Variants in ZNF804B observed in about 807,000 individuals in gnomAD.
The protein encoded by ZNF804B is zinc finger 804B.
A neutral mutation model predicts 101.4 loss-of-function variants in ZNF804B; 80 were observed. The observed-to-expected ratio is 0.79, with a 90% confidence interval of 0.66 to 0.95. ZNF804B has a LOEUF of 0.95. Ranked by LOEUF, ZNF804B falls within the 40% of genes least tolerant of loss-of-function variation. The pLI is 0.00. For missense variants in ZNF804B, 1,673 were observed against 1,561.9 expected, an observed-to-expected ratio of 1.07 and a Z score of -1.20; for synonymous variants, 622 against 558.8, an observed-to-expected ratio of 1.11 and a Z score of -1.59.
At chr7:88,873,840 G>T (rs554680149) in intron 1 of ZNF804B, among the ~76,000 whole-genome samples, 2 of 152,002 alleles carry the variant, frequency 1.3e-5, no homozygotes, top group Non-Finnish European at 2.9e-5. Context: ...TCTTTGTTTT[G>T]GTACCAGTAC....
Position 89,066,370 on chromosome 7 carries a change from A to G in ZNF804B, c.109-151785A>G, listed in dbSNP as rs897467007. ...ATCCTGGACCAAGGATCAAATTGCAATAAAATCATGTCCTATGGTGCCTGG... is the reference window on the plus strand; with the variant it reads ...ATCCTGGACCAAGGATCAAATTGCAGTAAAATCATGTCCTATGGTGCCTGG... On this transcript the variant is annotated intron_variant, in intron 1 of 3. Transcript: ENST00000333190. Among the ~76,000 whole-genome samples, 5 of 152,214 alleles carry G rather than the reference A, an allele frequency of 3.3e-5. No homozygotes were observed. The East Asian group carries it at 9.7e-4, about 29-fold the overall frequency.
At chr7:89,156,032 C>G (rs1292400655) in intron 1 of ZNF804B, among the ~76,000 whole-genome samples, 3 of 52,062 alleles carry the variant, frequency 5.8e-5, no homozygotes, top group Non-Finnish European at 1.4e-4. Flanking sequence ...TTCTTTCTTT[C>G]TTTCTTTCTT....
intron 2 of ZNF804B, among the ~76,000 whole-genome samples, chr7:89,266,785 T>C (rs1447476566): frequency 6.6e-6 from 1 of 152,076 alleles, no homozygotes; most frequent in Non-Finnish European, 1.5e-5. Context: ...TTATCAGGTA[T>C]ATCATAAAAA....
chr7:89,021,947 C>A (rs1328408063), intron 1 of ZNF804B, among the ~76,000 whole-genome samples: 1 of 152,180 alleles, frequency 6.6e-6, no homozygotes, highest in Non-Finnish European at 1.5e-5. Context: ...GAATTCCTGG[C>A]AGCTCTCTAA....
intron 2 of ZNF804B, among the ~76,000 whole-genome samples, chr7:89,286,362 T>A (rs1290874483): frequency 2.0e-5 from 3 of 152,086 alleles, no homozygotes; most frequent in Non-Finnish European, 4.4e-5. Flanking sequence ...AACATGAAAG[T>A]CTGAAAGAAT....
Position 89,334,254 on chromosome 7 carries a change from T to C in ZNF804B, c.1272T>C (p.Val424=). ...AAACAGAAAGAGTTAGCAAAAATGT[T>C]CAAAGACTTGTAAAAGAAGCATGTA... The part of the protein sequence containing the change: ...LDKTERVSKN[V]QRLVKEACTH... The change falls in exon 4 of 4, where the codon GTT becomes GTC. Residue 424 remains valine (V), a synonymous_variant. Coordinates refer to ENST00000333190, the MANE Select transcript of ZNF804B (RefSeq NM_181646.5). The C allele has an allele frequency of 6.2e-7, 1 of 1,613,674 alleles. No homozygotes were observed. Among genetic ancestry groups the C allele is most frequent in the South Asian group, 1.1e-5 (1 of 91,080 alleles).
At chr7:89,091,503 ATAAC>A (rs1374208220) in intron 1 of ZNF804B, among the ~76,000 whole-genome samples, 1 of 152,194 alleles carries the variant, frequency 6.6e-6, no homozygotes, top group African/African-American at 2.4e-5. Flanking sequence ...TCGAAAGTAG[ATAAC>A]TAGCCTCAGG....
chr7:88,833,520 C>T (rs563678088), intron 1 of ZNF804B, among the ~76,000 whole-genome samples: 7 of 149,016 alleles, frequency 4.7e-5, no homozygotes, highest in East Asian at 2.2e-4. Context: ...ACTTGGCCCT[C>T]AATAAATTTT....
rs114506357 is a variant in ZNF804B, at chr7:88,770,562, G to A, written c.108+10478G>A. Among the ~76,000 whole-genome samples the A allele has an allele frequency of 1.9e-3, 291 of 152,332 alleles. 1 individual carries two copies. Among genetic ancestry groups the A allele is most frequent in the African/African-American group, 6.7e-3 (280 of 41,574 alleles). On this transcript the variant is annotated intron_variant, in intron 1 of 3. Coordinates refer to ENST00000333190, the MANE Select transcript of ZNF804B (RefSeq NM_181646.5). The stretch of plus-strand genomic sequence containing the variant: ...AATAAATTGATGTTGCATTAAGCCA[G>A]TAAGACTGTTAATTCAACCTCACTC...
At chr7:88,915,457 C>A (rs925623389) in intron 1 of ZNF804B, among the ~76,000 whole-genome samples, 1 of 151,752 alleles carries the variant, frequency 6.6e-6, no homozygotes, top group African/African-American at 2.4e-5. Context: ...ACATTATGGA[C>A]AAATTAAATA....
chr7:88,848,831 T>A (rs115729388), intron 1 of ZNF804B, among the ~76,000 whole-genome samples: 2,258 of 152,104 alleles, frequency 0.015, 58 homozygotes, highest in African/African-American at 0.051. Context: ...AAGTTTAACA[T>A]TGCTTGACAA....
At chr7:88,818,217 G>A (rs915961406) in intron 1 of ZNF804B, among the ~76,000 whole-genome samples, 1 of 152,000 alleles carries the variant, frequency 6.6e-6, no homozygotes, top group African/African-American at 2.4e-5. Context: ...TCAACTTCAT[G>A]AGCTATTAAA....
intron 1 of ZNF804B, among the ~76,000 whole-genome samples, chr7:89,195,140 C>A (rs1440863235): frequency 6.8e-6 from 1 of 147,596 alleles, no homozygotes; most frequent in African/African-American, 2.5e-5. Context: ...AATTCAACAA[C>A]CTTCATGCTA....
At chr7:88,833,498 A>G (rs533505690) in intron 1 of ZNF804B, among the ~76,000 whole-genome samples, 2 of 151,792 alleles carry the variant, frequency 1.3e-5, no homozygotes, top group South Asian at 4.1e-4. Flanking sequence ...TGAAGAAGGT[A>G]GAAAGTCAGG....
chr7:88,762,486 G>C (rs10257119), intron 1 of ZNF804B, among the ~76,000 whole-genome samples: 1 of 152,132 alleles, frequency 6.6e-6, no homozygotes, highest in Admixed American at 6.5e-5. Flanking sequence ...TCCTAATCTA[G>C]ATAAATGTGT....
At chr7:89,057,538 C>G (rs1378535988) in intron 1 of ZNF804B, among the ~76,000 whole-genome samples, 1 of 152,016 alleles carries the variant, frequency 6.6e-6, no homozygotes, top group Admixed American at 6.6e-5. Flanking sequence ...TTAATTAAAA[C>G]TATACCATTC....
chr7:89,093,689 T>C (rs1192501589), intron 1 of ZNF804B, among the ~76,000 whole-genome samples: 1 of 152,256 alleles, frequency 6.6e-6, no homozygotes, highest in Non-Finnish European at 1.5e-5. Flanking sequence ...AAACGTTCAA[T>C]CTGCAGACTT....
At chr7:89,237,821 T>A (rs753539316) in intron 2 of ZNF804B, among the ~76,000 whole-genome samples, 1 of 152,188 alleles carries the variant, frequency 6.6e-6, no homozygotes, top group Non-Finnish European at 1.5e-5. Flanking sequence ...CAAAGATCTG[T>A]CATATACAAT....
At position 89,335,049 on chromosome 7, in the gene ZNF804B, C is replaced by T. The variant is rs139186520; in HGVS notation, c.2067C>T (p.Ser689=). ...ACATCAGCATGACCAGCAAGGTTTC[C>T]GGATGTGGAAACCAAAGATACAAGA... ...SNHISMTSKV[S]GCGNQRYKRY... is the part of the protein sequence containing the mutation. The change falls in exon 4 of 4, where the codon TCC becomes TCT. Residue 689 remains serine, a synonymous_variant. Coordinates refer to ENST00000333190, the MANE Select transcript of ZNF804B (RefSeq NM_181646.5). The T allele has an allele frequency of 1.0e-4, 168 of 1,613,618 alleles. No homozygotes were observed. Among genetic ancestry groups the T allele is most frequent in the Admixed American group, 5.8e-4 (35 of 59,880 alleles).
Sources: allele counts gnomAD v4.1 joint callset (sites outside exome capture counted in the v4.1 genomes callset), GRCh38; gene constraint gnomAD v4.1.1; transcripts MANE v1.5; gene names NCBI Gene and HGNC (gene_info 2026-07-23, HGNC 2026-07-21).